The following CYB561A3 variants were observed in gnomAD, a reference collection of about 807,000 sequenced individuals.
The protein encoded by CYB561A3 is cytochrome b561 family member A3.
CYB561A3 carries 16 observed loss-of-function variants against 25.3 expected under a neutral mutation model. The ratio of observed to expected loss-of-function variants is 0.63; its 90% CI spans 0.43 to 0.96. The LOEUF is 0.96. Ranked by LOEUF, CYB561A3 falls within the 40% of genes least tolerant of loss-of-function variation. CYB561A3 has a pLI of 0.00. For missense variants in CYB561A3, 219 were observed against 307.5 expected (o/e 0.71, Z 2.15); for synonymous variants, 131 against 129.9 (o/e 1.01, Z -0.06).
chr11:61,359,380 C>CA (rs1437757350), intron 1 of CYB561A3: 1 of 152,170 alleles, frequency 6.6e-6, no homozygotes, highest in Non-Finnish European at 1.5e-5. Context: ...ACTGCCTCCT[C>CA]AATTCCTCCA....
At chr11:61,357,251 A>G in intron 2 of CYB561A3, 5 of 1,550,866 alleles carry the variant, frequency 3.2e-6, no homozygotes, top group Non-Finnish European at 3.5e-6. Context: ...AGTAAGCTCT[A>G]TGGGGCTAAT....
chr11:61,351,312 C>T, intron 5 of CYB561A3, 165 bp from the exon 6 acceptor site: 2 of 656,522 alleles, frequency 3.0e-6, no homozygotes, highest in African/African-American at 2.6e-5. Flanking sequence ...TTTTTTGAGG[C>T]AGAGTCTTGC....
At chr11:61,358,304 C>T (rs1374438660) in intron 1 of CYB561A3, 1 of 151,730 alleles carries the variant, frequency 6.6e-6, no homozygotes, top group African/African-American at 2.4e-5. Context: ...TAATCAATCC[C>T]AGCTACTCAG....
Position 61,350,980 on chromosome 11 carries a change from G to A in CYB561A3, c.705+11C>T. The A allele has an allele frequency of 1.9e-6, 3 of 1,610,508 alleles. No homozygotes were observed. The highest frequency in any genetic ancestry group is 2.5e-6 in the Non-Finnish European group (3 of 1,178,396). Reference sequence around the variant, plus strand: ...CTGTCCCACCCTGGAATGTGGGACTGGAACCCATACCTGTCTGTCGGTCAG... The same window carrying A: ...CTGTCCCACCCTGGAATGTGGGACTAGAACCCATACCTGTCTGTCGGTCAG... On this transcript the variant is annotated intron_variant, in intron 6 of 6. Coordinates refer to ENST00000294072, the MANE Select transcript of CYB561A3 (RefSeq NM_153611.6).
At chr11:61,352,660 C>CAA in intron 5 of CYB561A3, 2 of 492,090 alleles carry the variant, frequency 4.1e-6, no homozygotes, top group Admixed American at 5.1e-5. Context: ...GACTCCATCT[C>CAA]AAAAAAAAAG....
At chr11:61,352,870 G>C in intron 5 of CYB561A3, 115 bp downstream of exon 5, 3 of 1,569,912 alleles carry the variant, frequency 1.9e-6, no homozygotes, top group Non-Finnish European at 2.6e-6. Flanking sequence ...ATCAGGAGTG[G>C]ACCCAACCCC....
At chr11:61,354,969 C>T (rs906791019) in intron 3 of CYB561A3, among the ~76,000 whole-genome samples, 34 of 151,368 alleles carry the variant, frequency 2.2e-4, no homozygotes, top group African/African-American at 7.3e-4. Flanking sequence ...CCCGGGTTCA[C>T]GCCATTCTCC....
In CYB561A3 at chr11:61,349,206, G is replaced by C. The variant is rs1190822723; in HGVS notation, c.*1193C>G. 2 of 262,160 alleles carry C rather than the reference G, an allele frequency of 7.6e-6. No homozygotes were observed. Among genetic ancestry groups the C allele is most frequent in the East Asian group, 1.6e-4 (2 of 12,876 alleles). The allele number at this position is 262,160 out of a possible 1,614,324, so 16.2% of individuals were successfully genotyped here. ...CCACCCTATTTCCTCCCCTGAAGAA[G>C]AGCAACAGCTCAAGCTCTAGCATGG... On this transcript the variant is annotated 3_prime_UTR_variant, in exon 7 of 7. Coordinates refer to ENST00000294072, the MANE Select transcript of CYB561A3 (RefSeq NM_153611.6).
chr11:61,359,448 G>A (rs1857764689), intron 1 of CYB561A3: 1 of 151,994 alleles, frequency 6.6e-6, no homozygotes, highest in Non-Finnish European at 1.5e-5. Context: ...CCATCCCTCA[G>A]TGAAATGTAA....
chr11:61,354,304 C>A (rs1033137803), intron 3 of CYB561A3: 8 of 392,442 alleles, frequency 2.0e-5, no homozygotes, highest in Non-Finnish European at 3.8e-5. Context: ...TTACAGTGAG[C>A]TATGATCATG....
chr11:61,352,917 A>C, intron 5 of CYB561A3, 68 bp downstream of exon 5: 2 of 1,612,440 alleles, frequency 1.2e-6, no homozygotes, highest in Non-Finnish European at 1.7e-6. Context: ...CTGTGATCAC[A>C]GGGTGTATCT....
intron 3 of CYB561A3, chr11:61,356,144 G>A (rs543044429): frequency 1.6e-4 from 26 of 162,238 alleles, no homozygotes; most frequent in South Asian, 2.0e-4. Context: ...AATCCAGCTC[G>A]CTACCTATGT....
intron 4 of CYB561A3, 147 bp from the exon 5 acceptor site, chr11:61,353,286 A>C (rs1188893234): frequency 1.9e-6 from 2 of 1,047,160 alleles, no homozygotes; most frequent in Non-Finnish European, 2.7e-6. Context: ...CTACCGTGCT[A>C]GCTTCCTCAT....
chr11:61,352,102 C>T (rs1357728766), intron 5 of CYB561A3: 1 of 152,200 alleles, frequency 6.6e-6, no homozygotes, highest in Non-Finnish European at 1.5e-5. Context: ...AGTTGCATAA[C>T]TAGTAAATGG....
At position 61,350,410 on chromosome 11, in the gene CYB561A3, C is replaced by G. The variant is rs1212174302; in HGVS notation, c.718G>C (p.Asp240His). Residue 240 changes from aspartate to histidine, a missense_variant, in exon 7 of 7, where the codon GAT becomes CAT. Coordinates refer to ENST00000294072, the MANE Select transcript of CYB561A3 (RefSeq NM_153611.6). ...ILTDRQPLLH[D>H]GE ...CCCTTCCTGCTGCTTCACTCCCCATCATGCAGCAGGGGCTGGAAAGAGAGG... is the reference window on the plus strand; with the variant it reads ...CCCTTCCTGCTGCTTCACTCCCCATGATGCAGCAGGGGCTGGAAAGAGAGG... 3.1e-6 allele frequency: 5 copies of G among 1,611,166 alleles called. No homozygotes were observed. The African/African-American group carries it at 4.0e-5, about 13-fold the overall frequency.
Position 61,350,565 on chromosome 11 carries a change from A to C in CYB561A3, c.706-143T>G. On this transcript the variant is annotated intron_variant, in intron 6 of 6. Coordinates refer to ENST00000294072, the MANE Select transcript of CYB561A3 (RefSeq NM_153611.6). The stretch of plus-strand genomic sequence containing the variant: ...CCTCAGGGAAGCCCCAAAGTCCCTG[A>C]GCCTGGTACACACCCCGTCTCCCTA... 3 of 1,002,840 alleles carry C rather than the reference A, an allele frequency of 3.0e-6. No individual in the cohort carries two copies. In the South Asian group the frequency reaches 4.5e-5, roughly 15 times the overall value. 62.1% of individuals were successfully genotyped at this position (1,002,840 alleles called of 1,614,324 possible).
Position 61,351,018 on chromosome 11 carries a change from T to C in CYB561A3, c.678A>G (p.Pro226=), listed in dbSNP as rs752960437. The change falls in exon 6 of 7, where the codon CCA becomes CCG. Residue 226 remains proline, a synonymous_variant. Transcript: ENST00000294072. The part of the protein sequence containing the change: ...YILLASSWKR[P]EPGILTDRQP... ...GTCTGTCGGTCAGGATCCCCGGCTC[T>C]GGGCGCTTCCAAGATGAAGCCAGAA... 8.7e-6 allele frequency: 14 copies of C among 1,613,836 alleles called. No individual in the cohort carries two copies. The highest frequency in any genetic ancestry group is 1.7e-5 in the Admixed American group (1 of 59,964).
At chr11:61,361,049 G>A (rs956895341) in intron 1 of CYB561A3, 2 of 152,044 alleles carry the variant, frequency 1.3e-5, no homozygotes, top group Admixed American at 1.3e-4. Context: ...TTATAATTTA[G>A]AACTACAAAT....
intron 4 of CYB561A3, 26 bp from the exon 5 acceptor site, chr11:61,353,165 C>A (rs762266199): frequency 2.5e-6 from 4 of 1,578,614 alleles, no homozygotes; most frequent in Non-Finnish European, 2.6e-6. Context: ...AGGACACACC[C>A]GACTGTGCTA....
Sources: gnomAD v4.1 joint callset for allele counts (sites outside exome capture counted in the v4.1 genomes callset) on GRCh38, gnomAD v4.1.1 for gene constraint, MANE v1.5 for transcripts, NCBI Gene and HGNC (gene_info 2026-07-23, HGNC 2026-07-21) for gene names.